RAD21L1: variants seen among roughly 807,000 people sequenced by gnomAD.
The protein encoded by RAD21L1 is double-strand-break repair protein rad21-like protein 1.
RAD21L1 carries 47 observed loss-of-function variants against 69.0 expected under a neutral mutation model. The observed-to-expected ratio is 0.68, with a 90% confidence interval of 0.54 to 0.87. The LOEUF is 0.87. RAD21L1 is among the 40% of genes least tolerant of loss of function. The pLI is 0.00. For missense variants in RAD21L1, 583 were observed against 647.6 expected, an observed-to-expected ratio of 0.90 and a Z score of 1.08; for synonymous variants, 177 against 205.8, an observed-to-expected ratio of 0.86 and a Z score of 1.20.
At position 1,242,704 on chromosome 20, in the gene RAD21L1, G is replaced by A. The variant is rs746356578; in HGVS notation, c.942G>A (p.Gln314=). Reference sequence around the variant, plus strand: ...TCAGTAGCAAAGTTATACATAAACAGCTTACTTCCTTTGCGGACACACTCA... The same window carrying A: ...TCAGTAGCAAAGTTATACATAAACAACTTACTTCCTTTGCGGACACACTCA... The part of the protein sequence containing the change: ...KELSSKVIHK[Q]LTSFADTLMV... The change falls in exon 9 of 14, where the codon CAG becomes CAA. Residue 314 remains glutamine, a synonymous_variant. Transcript: ENST00000683101. The A allele has an allele frequency of 6.4e-7, 1 of 1,551,586 alleles. No individual in the cohort carries two copies. Among genetic ancestry groups the A allele is most frequent in the South Asian group, 1.2e-5 (1 of 84,062 alleles).
intron 1 of RAD21L1, 93 bp from the exon 2 acceptor site, chr20:1,228,329 G>A: frequency 1.7e-6 from 1 of 574,152 alleles, no homozygotes; most frequent in Non-Finnish European, 2.9e-6. Context: ...AACATAATCT[G>A]AATGTTATTT....
At chr20:1,250,420 A>G (rs1473107766) in intron 13 of RAD21L1, among the ~76,000 whole-genome samples, 1 of 151,278 alleles carries the variant, frequency 6.6e-6, no homozygotes, top group Non-Finnish European at 1.5e-5. Context: ...AAGTGTTCTC[A>G]TTTTTCAATT....
At chr20:1,236,869 A>G (rs1411789395) in intron 5 of RAD21L1, among the ~76,000 whole-genome samples, 1 of 152,130 alleles carries the variant, frequency 6.6e-6, no homozygotes, top group Non-Finnish European at 1.5e-5. Context: ...GTATAATCTG[A>G]TATTCTTGTG....
chr20:1,241,246 T>G (rs1016245077), intron 8 of RAD21L1, among the ~76,000 whole-genome samples: 1 of 152,162 alleles, frequency 6.6e-6, no homozygotes, highest in Non-Finnish European at 1.5e-5. Context: ...AACAATCTAG[T>G]CAGGAAGATA....
chr20:1,251,339 C>T (rs1446431122), intron 13 of RAD21L1, among the ~76,000 whole-genome samples: 4 of 147,772 alleles, frequency 2.7e-5, no homozygotes, highest in African/African-American at 7.5e-5. Context: ...ATTATTATCC[C>T]GGGCACTCTG....
intron 8 of RAD21L1, among the ~76,000 whole-genome samples, chr20:1,241,851 C>G (rs1353469944): frequency 6.6e-6 from 1 of 152,204 alleles, no homozygotes; most frequent in African/African-American, 2.4e-5. Flanking sequence ...CCTCTCTCCC[C>G]TTTTACAGCT....
intron 2 of RAD21L1, among the ~76,000 whole-genome samples, chr20:1,228,833 T>C (rs1211997459): frequency 6.6e-6 from 1 of 152,228 alleles, no homozygotes; most frequent in Non-Finnish European, 1.5e-5. Context: ...AAGGCCATAT[T>C]TTATGCGTAT....
intron 1 of RAD21L1, among the ~76,000 whole-genome samples, chr20:1,227,797 C>A (rs1018014856): frequency 1.3e-5 from 2 of 151,988 alleles, no homozygotes; most frequent in Non-Finnish European, 2.9e-5. Flanking sequence ...CTTCCCTTGC[C>A]TTCTAATTAT....
intron 12 of RAD21L1, among the ~76,000 whole-genome samples, chr20:1,247,146 G>A (rs537008271): frequency 1.1e-3 from 161 of 152,268 alleles, no homozygotes; most frequent in African/African-American, 3.8e-3. Flanking sequence ...GCTATTCGCT[G>A]TGCTTCTGTA....
At chr20:1,253,534 C>T (rs767748716) in intron 13 of RAD21L1, among the ~76,000 whole-genome samples, 4 of 152,224 alleles carry the variant, frequency 2.6e-5, no homozygotes, top group African/African-American at 7.2e-5. Flanking sequence ...TGACTGCAAG[C>T]GATCTGCCCT....
chr20:1,249,546 C>T (rs2087785180), intron 13 of RAD21L1, among the ~76,000 whole-genome samples: 1 of 152,154 alleles, frequency 6.6e-6, no homozygotes, highest in African/African-American at 2.4e-5. Flanking sequence ...GCTAACTACC[C>T]ACCAGGTCTG....
At chr20:1,234,038 A>G (rs766747407) in intron 4 of RAD21L1, 47 bp from the exon 5 acceptor site, 3 of 855,058 alleles carry the variant, frequency 3.5e-6, no homozygotes, top group South Asian at 3.3e-5. Flanking sequence ...TTACAGTATC[A>G]TTGTTTTCTG....
At chr20:1,247,596 G>T (rs1243021660) in intron 12 of RAD21L1, among the ~76,000 whole-genome samples, 2 of 152,142 alleles carry the variant, frequency 1.3e-5, no homozygotes, top group Non-Finnish European at 2.9e-5. Context: ...GGCAGGCCTA[G>T]GAAGCTGGTA....
At chr20:1,251,491 T>C (rs2087832328) in intron 13 of RAD21L1, among the ~76,000 whole-genome samples, 1 of 151,916 alleles carries the variant, frequency 6.6e-6, no homozygotes, top group South Asian at 2.1e-4. Flanking sequence ...ATTATTGTTA[T>C]TTTTTAAAGT....
At chr20:1,227,875 T>A (rs2087297907) in intron 1 of RAD21L1, among the ~76,000 whole-genome samples, 1 of 152,162 alleles carries the variant, frequency 6.6e-6, no homozygotes, top group South Asian at 2.1e-4. Flanking sequence ...CCACTCCACT[T>A]TTTGGAGTCC....
chr20:1,253,406 T>A (rs939859144), intron 13 of RAD21L1, among the ~76,000 whole-genome samples: 7 of 152,106 alleles, frequency 4.6e-5, no homozygotes, highest in African/African-American at 1.7e-4. Flanking sequence ...AAGCGATTCT[T>A]CTGCCTCAGC....
At chr20:1,241,322 C>G (rs773342537) in intron 8 of RAD21L1, among the ~76,000 whole-genome samples, 16 of 152,164 alleles carry the variant, frequency 1.1e-4, no homozygotes, top group Non-Finnish European at 2.2e-4. Flanking sequence ...CGAATGCCTT[C>G]TAGCATTTAA....
chr20:1,228,901 G>A (rs2087324839), intron 2 of RAD21L1, among the ~76,000 whole-genome samples: 1 of 152,090 alleles, frequency 6.6e-6, no homozygotes, highest in African/African-American at 2.4e-5. Context: ...TACTTAATAA[G>A]CATCTCTTAG....
chr20:1,236,586 C>CT (rs149464953), intron 5 of RAD21L1, among the ~76,000 whole-genome samples: 10,183 of 152,222 alleles, frequency 0.067, 474 homozygotes, highest in East Asian at 0.17. Context: ...TGAATCTGAA[C>CT]TTTCTCTATT....
Sources: gnomAD v4.1 joint callset for allele counts (sites outside exome capture counted in the v4.1 genomes callset) on GRCh38, gnomAD v4.1.1 for gene constraint, MANE v1.5 for transcripts, NCBI Gene and HGNC (gene_info 2026-07-23, HGNC 2026-07-21) for gene names.